Variants in ABCA13 observed in about 807,000 individuals in gnomAD.
ABCA13 encodes ATP binding cassette subfamily A member 13.
In ABCA13, 476 loss-of-function variants were observed where a neutral mutation model predicts 478.7. That is an observed-to-expected ratio of 0.99 (90% CI 0.92 to 1.07). The LOEUF (loss-of-function observed/expected upper bound fraction) is 1.07, where lower values mean the gene tolerates loss of function less well. ABCA13 is among the 50% of genes least tolerant of loss of function. ABCA13 has a pLI of 0.00. For missense variants in ABCA13, 6,060 were observed against 5,910.6 expected, an observed-to-expected ratio of 1.03 and a Z score of -0.83; for synonymous variants, 2,252 against 2,158.9, an observed-to-expected ratio of 1.04 and a Z score of -1.20.
At chr7:48,280,280 C>G (rs1425969828) in intron 18 of ABCA13, among the ~76,000 whole-genome samples, 1 of 152,192 alleles carries the variant, frequency 6.6e-6, no homozygotes, top group Non-Finnish European at 1.5e-5. Flanking sequence ...AGTATACACA[C>G]AAGAACATGA....
chr7:48,344,690 C>T (rs1002358027), intron 29 of ABCA13, among the ~76,000 whole-genome samples: 20 of 152,076 alleles, frequency 1.3e-4, no homozygotes, highest in Non-Finnish European at 1.6e-4. Flanking sequence ...GATGAAGCAA[C>T]CCAATAAGAG....
intron 28 of ABCA13, among the ~76,000 whole-genome samples, chr7:48,337,583 A>G (rs1003736087): frequency 6.6e-6 from 1 of 152,222 alleles, no homozygotes; most frequent in Non-Finnish European, 1.5e-5. Flanking sequence ...TGCTGGACCA[A>G]AATCTGGATA....
At chr7:48,203,374 G>T (rs1799131761) in intron 3 of ABCA13, among the ~76,000 whole-genome samples, 1 of 152,268 alleles carries the variant, frequency 6.6e-6, no homozygotes, top group Admixed American at 6.5e-5. Flanking sequence ...CAGTGCAGTG[G>T]TGGGCTGAAG....
intron 42 of ABCA13, among the ~76,000 whole-genome samples, chr7:48,448,216 C>T (rs1226139341): frequency 6.6e-6 from 1 of 152,076 alleles, no homozygotes; most frequent in African/African-American, 2.4e-5. Context: ...TATCTCTCGC[C>T]CTAACCATCA....
At chr7:48,363,453 A>G (rs1360680135) in intron 31 of ABCA13, among the ~76,000 whole-genome samples, 1 of 152,170 alleles carries the variant, frequency 6.6e-6, no homozygotes, top group African/African-American at 2.4e-5. Context: ...CTATGATGAC[A>G]AGACAAGTCC....
intron 55 of ABCA13, among the ~76,000 whole-genome samples, chr7:48,557,289 G>A (rs1053471235): frequency 1.4e-5 from 2 of 147,424 alleles, no homozygotes; most frequent in African/African-American, 2.6e-5. Flanking sequence ...TATTACCAGT[G>A]AGCTTTACAC....
chr7:48,229,738 C>A, intron 6 of ABCA13, 87 bp from the exon 7 acceptor site: 1 of 1,513,730 alleles, frequency 6.6e-7, no homozygotes. Context: ...GGGGCCCAGT[C>A]CATGGGATGT....
At chr7:48,399,714 G>C (rs1817329326) in intron 38 of ABCA13, among the ~76,000 whole-genome samples, 1 of 152,120 alleles carries the variant, frequency 6.6e-6, no homozygotes, top group Non-Finnish European at 1.5e-5. Flanking sequence ...GCAGATTCAG[G>C]GATGGGTAGA....
chr7:48,519,898 C>A (rs71547892), intron 52 of ABCA13, 143 bp from the exon 53 acceptor site: 30,939 of 816,070 alleles, frequency 0.038, 751 homozygotes, highest in South Asian at 0.098. Flanking sequence ...GTTTTGATGG[C>A]TGTCTGAGAA....
chr7:48,552,343 C>T (rs930239059), intron 55 of ABCA13, among the ~76,000 whole-genome samples: 5 of 151,794 alleles, frequency 3.3e-5, no homozygotes, highest in Admixed American at 2.0e-4. Flanking sequence ...TCCTTTTCCA[C>T]TGTTTATTTT....
intron 15 of ABCA13, among the ~76,000 whole-genome samples, chr7:48,261,172 C>G (rs1794131032): frequency 6.6e-6 from 1 of 151,894 alleles, no homozygotes; most frequent in African/African-American, 2.4e-5. Context: ...GCAACCCTGT[C>G]TATTTACTCC....
At chr7:48,530,244 A>G (rs1051148586) in intron 55 of ABCA13, among the ~76,000 whole-genome samples, 27 of 151,970 alleles carry the variant, frequency 1.8e-4, no homozygotes, top group African/African-American at 6.3e-4. Context: ...AGTTCCATCC[A>G]GGTGGCTGCC....
intron 23 of ABCA13, among the ~76,000 whole-genome samples, chr7:48,298,966 A>G (rs1420317474): frequency 6.6e-6 from 1 of 152,200 alleles, no homozygotes; most frequent in Non-Finnish European, 1.5e-5. Flanking sequence ...CAAATGAGTA[A>G]TGGCAGGCTG....
At chr7:48,209,149 T>A (rs1377643051) in intron 3 of ABCA13, among the ~76,000 whole-genome samples, 1 of 152,134 alleles carries the variant, frequency 6.6e-6, no homozygotes, top group Non-Finnish European at 1.5e-5. Flanking sequence ...TTGGGATGGA[T>A]GAATCCCACT....
chr7:48,605,273 G>T (rs1245658743), intron 58 of ABCA13, among the ~76,000 whole-genome samples: 1 of 152,128 alleles, frequency 6.6e-6, no homozygotes, highest in Non-Finnish European at 1.5e-5. Context: ...CTATCATTAT[G>T]ATGCTAGCTG....
At chr7:48,409,301 A>G (rs1818677914) in intron 39 of ABCA13, among the ~76,000 whole-genome samples, 1 of 152,206 alleles carries the variant, frequency 6.6e-6, no homozygotes, top group Non-Finnish European at 1.5e-5. Context: ...AATATCTTCT[A>G]GTTTCTTTGG....
At position 48,279,343 on chromosome 7, in the gene ABCA13, A is replaced by G. The variant is rs1796718738; in HGVS notation, c.8149A>G (p.Ile2717Val). 6.3e-7 allele frequency: 1 copy of G among 1,586,170 alleles called. No individual in the cohort carries two copies. Among genetic ancestry groups the G allele is most frequent in the African/African-American group, 1.3e-5 (1 of 74,514 alleles). The change falls in exon 18 of 62, where the codon ATC (isoleucine) becomes GTC (valine). Residue 2717 changes from isoleucine (I) to valine (V), a missense_variant. Physicochemically the swap from Ile to Val is conservative, Grantham distance 29. This residue lies in a region of ABCA13 where 4,423 missense variants were observed against 4,309.1 expected (regional missense o/e 1.03). Coordinates refer to ENST00000435803, the MANE Select transcript of ABCA13 (RefSeq NM_152701.5). The part of the protein sequence containing the change: ...DIKWEIIHEV[I>V]PFLDKILSQN... ...AAAATGGGAAATAATTCATGAAGTG[A>G]TCCCTTTTTTGGATAAAATATTATC...
chr7:48,475,551 CG>C (rs71552484), intron 45 of ABCA13, among the ~76,000 whole-genome samples: 23,735 of 150,146 alleles, frequency 0.16, 2,392 homozygotes, highest in East Asian at 0.22. Context: ...CTGCCACCTC[CG>C]CCTTCTGGGT....
At chr7:48,234,210 G>A in intron 8 of ABCA13, 59 bp downstream of exon 8, 1 of 1,611,840 alleles carries the variant, frequency 6.2e-7, no homozygotes, top group Non-Finnish European at 8.5e-7. Context: ...TGGATCTAGA[G>A]CATGCTGCTG....
Sources: allele counts gnomAD v4.1 joint callset (sites outside exome capture counted in the v4.1 genomes callset), GRCh38; gene constraint gnomAD v4.1.1; regional missense constraint gnomAD v4.1.1; transcripts MANE v1.5; gene names NCBI Gene and HGNC (gene_info 2026-07-23, HGNC 2026-07-21).